The following SATB1 variants were observed in gnomAD, a reference collection of about 807,000 sequenced individuals.
The protein encoded by SATB1 is DNA-binding protein SATB1.
In SATB1, 11 loss-of-function variants were observed where a neutral mutation model predicts 86.9. The observed-to-expected ratio is 0.13, with a 90% CI of 0.08 to 0.21. The LOEUF (loss-of-function observed/expected upper bound fraction) is 0.21. SATB1 is among the 10% of genes least tolerant of loss of function. The pLI is 1.00. For synonymous variants in SATB1, 357 were observed against 357.2 expected, an observed-to-expected ratio of 1.00 and a Z score of 0.01; for missense variants, 551 against 937.6, an observed-to-expected ratio of 0.59 and a Z score of 5.39.
At position 18,347,155 on chromosome 3, in the gene SATB1, A is replaced by G. The variant is rs1457277159; in HGVS notation, c.*2015T>C. 6.6e-6 allele frequency: 1 copy of G among 152,174 alleles called. No individual in the cohort carries two copies. Among genetic ancestry groups the G allele is most frequent in the African/African-American group, 2.4e-5 (1 of 41,444 alleles). 9.4% of individuals were successfully genotyped at this position (152,174 alleles called of 1,614,324 possible). On this transcript the variant is annotated 3_prime_UTR_variant, in exon 11 of 11. Coordinates refer to ENST00000338745, the MANE Select transcript of SATB1 (RefSeq NM_002971.6). ...AAAGCAGCCCAGTTGCCTACCAATA[A>G]GCTCATCAGGGCCTGAGAAGATGGT...
intron 5 of SATB1, among the ~76,000 whole-genome samples, chr3:18,413,181 T>C (rs983794901): frequency 1.4e-4 from 21 of 152,078 alleles, no homozygotes; most frequent in African/African-American, 5.1e-4. Flanking sequence ...TTACATTTTG[T>C]CATTCTACTT....
Position 18,415,245 on chromosome 3 carries a change from CAT to C in SATB1, c.516-13_516-12del. On this transcript the variant is annotated splice_polypyrimidine_tract_variant and intron_variant, in intron 4 of 10. Coordinates refer to ENST00000338745, the MANE Select transcript of SATB1 (RefSeq NM_002971.6). ...TCTAGTTTGGGGCAACTATTTGAGA[CAT>C]AGATTAGAAAGGGGATTATTACAAG... 3.1e-6 allele frequency: 5 copies of C among 1,612,330 alleles called. No individual in the cohort carries two copies. In the South Asian group the frequency reaches 3.3e-5, roughly 11 times the overall value.
chr3:18,357,410 C>T (rs769759827), intron 9 of SATB1, among the ~76,000 whole-genome samples: 22 of 151,814 alleles, frequency 1.4e-4, no homozygotes, highest in Non-Finnish European at 2.8e-4. Flanking sequence ...ACATTTTCAA[C>T]AACAACTAAC....
intron 5 of SATB1, among the ~76,000 whole-genome samples, chr3:18,402,221 A>G (rs912701582): frequency 2.6e-5 from 4 of 152,120 alleles, no homozygotes; most frequent in African/African-American, 7.2e-5. Context: ...TGTTCATCTC[A>G]GTAGCCAATG....
intron 9 of SATB1, among the ~76,000 whole-genome samples, chr3:18,377,611 T>C (rs1466724788): frequency 6.6e-6 from 1 of 152,174 alleles, no homozygotes; most frequent in Non-Finnish European, 1.5e-5. Flanking sequence ...GTGTCTTGCA[T>C]ACTCTACAGA....
In SATB1 at chr3:18,366,647, T is replaced by C. The variant is rs114815625; in HGVS notation, c.1575+11523A>G. Among the ~76,000 whole-genome samples, 753 of 152,230 alleles carry C rather than the reference T, an allele frequency of 4.9e-3. 6 individuals are homozygous for C. Among genetic ancestry groups the C allele is most frequent in the African/African-American group, 0.017 (706 of 41,540 alleles). The stretch of plus-strand genomic sequence containing the variant: ...CAATGGAATTCGGCTCATCTCATAC[T>C]CTATACTGTACTGATGCTGCTAGGT... On this transcript the variant is annotated intron_variant, in intron 9 of 10. Transcript: ENST00000338745.
intron 5 of SATB1, 26 bp from the exon 6 acceptor site, chr3:18,397,316 T>C (rs1697015504): frequency 8.0e-7 from 1 of 1,246,914 alleles, no homozygotes; most frequent in Non-Finnish European, 1.2e-6. Context: ...GGGAGAATAT[T>C]TGTAATACAC....
chr3:18,438,244 A>G (rs1384377535), intron 1 of SATB1, among the ~76,000 whole-genome samples: 4 of 152,252 alleles, frequency 2.6e-5, no homozygotes, highest in Admixed American at 2.6e-4. Flanking sequence ...ATCTCTAGCA[A>G]TCAACTCTAC....
At chr3:18,429,645 G>T (rs1009223272), upstream of SATB1, among the ~76,000 whole-genome samples, 7 of 152,158 alleles carry the variant, frequency 4.6e-5, no homozygotes, top group Non-Finnish European at 1.0e-4. The surrounding 1 kb of genome is among the most constrained non-coding windows in gnomAD (Gnocchi z 4.1). Context: ...GCTGCCTCAT[G>T]CTTTTCTTGT....
At chr3:18,383,776 C>T (rs1007688925) in intron 8 of SATB1, among the ~76,000 whole-genome samples, 9 of 152,064 alleles carry the variant, frequency 5.9e-5, no homozygotes, top group South Asian at 2.1e-4. Flanking sequence ...TGCTCTATAA[C>T]GTGTTTTTCC....
intron 1 of SATB1, chr3:18,445,401 C>G (rs902868299): frequency 8.1e-4 from 800 of 985,042 alleles, no homozygotes; most frequent in Admixed American, 2.2e-3. Context: ...AGGGGGCGCA[C>G]ACGGGGGTTG....
At chr3:18,432,581 A>G (rs1698922390) in intron 2 of SATB1, among the ~76,000 whole-genome samples, 1 of 152,190 alleles carries the variant, frequency 6.6e-6, no homozygotes, top group African/African-American at 2.4e-5. Flanking sequence ...CACCTGGACA[A>G]TAATTAAATA....
rs1409944894 is a variant in SATB1, at chr3:18,444,090, G to C, written c.-25+1428C>G. ...CAGGGAGCGGAGGGAGGCGGAGATGGACCGGGAAAGGATGCTGAGCAGACT... is the reference window on the plus strand; with the variant it reads ...CAGGGAGCGGAGGGAGGCGGAGATGCACCGGGAAAGGATGCTGAGCAGACT... On this transcript the variant is annotated intron_variant, in intron 1 of 3. Coordinates refer to the SATB1 transcript ENST00000415069. The surrounding 1 kb of genome is among the most constrained non-coding windows in gnomAD (Gnocchi z 5.1). Among the ~76,000 whole-genome samples the C allele has an allele frequency of 6.6e-6, 1 of 152,086 alleles. No homozygotes were observed. Among genetic ancestry groups the C allele is most frequent in the Non-Finnish European group, 1.5e-5 (1 of 68,024 alleles).
chr3:18,370,850 C>A (rs1016286526), intron 9 of SATB1, among the ~76,000 whole-genome samples: 4 of 152,232 alleles, frequency 2.6e-5, no homozygotes, highest in African/African-American at 9.6e-5. Context: ...TCACAGATGG[C>A]AGGCTCTGAC....
In SATB1 at chr3:18,394,990, T is replaced by C; in HGVS notation, c.752-74A>G. 7.9e-7 allele frequency: 1 copy of C among 1,258,830 alleles called. No individual in the cohort carries two copies. The highest frequency in any genetic ancestry group is 2.5e-5 in the East Asian group (1 of 39,876). The allele number at this position is 1,258,830 out of a possible 1,614,324, so 78.0% of individuals were successfully genotyped here. On this transcript the variant is annotated intron_variant, in intron 6 of 10. Transcript: ENST00000338745. The surrounding 1 kb of genome is among the most constrained non-coding windows in gnomAD (Gnocchi z 5.9). ...TTGATAAAGATTTCTAACCATTTCC[T>C]AAATTAAAAAAGGGTAGGCACAGGG...
intron 9 of SATB1, among the ~76,000 whole-genome samples, chr3:18,363,429 T>C (rs935108414): frequency 3.9e-5 from 6 of 152,086 alleles, no homozygotes; most frequent in Non-Finnish European, 7.4e-5. Context: ...TCAGTGACAA[T>C]GGCCGGGTTA....
intron 5 of SATB1, among the ~76,000 whole-genome samples, chr3:18,407,707 G>C (rs954588674): frequency 6.6e-6 from 1 of 151,986 alleles, no homozygotes; most frequent in African/African-American, 2.4e-5. Context: ...GCTAATTAAA[G>C]TGATGCTAGA....
chr3:18,354,198 G>A (rs1236934485), intron 9 of SATB1, among the ~76,000 whole-genome samples: 3 of 152,034 alleles, frequency 2.0e-5, no homozygotes, highest in African/African-American at 4.8e-5. Context: ...AGCTTTTACT[G>A]GTAAATATTT....
chr3:18,390,391 A>G (rs1696596024), intron 7 of SATB1, among the ~76,000 whole-genome samples: 1 of 152,156 alleles, frequency 6.6e-6, no homozygotes, highest in African/African-American at 2.4e-5. Flanking sequence ...TGTCCAGGTA[A>G]AAGACTATTT....
Sources: gnomAD v4.1 joint callset for allele counts (sites outside exome capture counted in the v4.1 genomes callset) on GRCh38, gnomAD v4.1.1 for gene constraint, Gnocchi (gnomAD v3.1) non-coding constraint, MANE v1.5 for transcripts, NCBI Gene and HGNC (gene_info 2026-07-23, HGNC 2026-07-21) for gene names.